VWCE: variants seen among roughly 807,000 people sequenced by gnomAD.
The protein encoded by VWCE is von Willebrand factor C and EGF domain-containing protein.
Under a neutral mutation model 102.9 loss-of-function variants are expected in VWCE, and 68 were observed. The ratio of observed to expected loss-of-function variants is 0.66; its 90% CI spans 0.54 to 0.81. VWCE has a LOEUF of 0.81. VWCE is among the 30% of genes least tolerant of loss of function. VWCE has a pLI of 0.00. For synonymous variants in VWCE, 497 were observed against 515.4 expected, an observed-to-expected ratio of 0.96 and a Z score of 0.48; for missense variants, 1,137 against 1,263.6, an observed-to-expected ratio of 0.90 and a Z score of 1.52.
chr11:61,276,782 G>T, intron 10 of VWCE, 102 bp from the exon 11 acceptor site: 1 of 817,282 alleles, frequency 1.2e-6, no homozygotes, highest in Non-Finnish European at 1.7e-6. Flanking sequence ...GCCTAAAGGA[G>T]GCCACAAGAA....
rs372225196 is a variant in VWCE, at chr11:61,286,001, G to A, written c.541+313C>T. 1.2e-3 allele frequency among the ~76,000 whole-genome samples: 190 copies of A among 152,216 alleles called. 1 individual carries two copies. Among genetic ancestry groups the A allele is most frequent in the African/African-American group, 4.3e-3 (180 of 41,550 alleles). On this transcript the variant is annotated intron_variant, in intron 5 of 19. Transcript: ENST00000335613. The stretch of plus-strand genomic sequence containing the variant: ...ACTCCTGACCTGAGGTGATCCTCCC[G>A]CCTTGACCTCCCAAAGTGCAAGGAT...
intron 19 of VWCE, among the ~76,000 whole-genome samples, chr11:61,260,407 G>A (rs1854318587): frequency 6.6e-6 from 1 of 152,114 alleles, no homozygotes; most frequent in African/African-American, 2.4e-5. Flanking sequence ...CCTACTTGCT[G>A]GGGCCACAGT....
intron 11 of VWCE, among the ~76,000 whole-genome samples, chr11:61,276,075 C>T (rs150366294): frequency 1.3e-5 from 2 of 152,314 alleles, no homozygotes; most frequent in African/African-American, 4.8e-5. Context: ...CCCACTCCAT[C>T]GCATACTCAA....
chr11:61,265,244 G>A (rs1285929889), intron 16 of VWCE, 32 bp from the exon 17 acceptor site: 8 of 1,452,386 alleles, frequency 5.5e-6, no homozygotes, highest in Admixed American at 5.6e-5. Context: ...CAAGGCCCTC[G>A]GTTCAGGGCA....
intron 10 of VWCE, among the ~76,000 whole-genome samples, chr11:61,276,985 G>A (rs1854943777): frequency 8.9e-6 from 1 of 112,874 alleles, no homozygotes; most frequent in Non-Finnish European, 1.8e-5. Flanking sequence ...GAGGAGAGGG[G>A]CAGGATAGGA....
At chr11:61,260,294 G>GA (rs1854314704) in intron 19 of VWCE, among the ~76,000 whole-genome samples, 1 of 151,974 alleles carries the variant, frequency 6.6e-6, no homozygotes, top group Admixed American at 6.6e-5. Context: ...GGGTGGGGGG[G>GA]ACAGGTTCTC....
intron 5 of VWCE, among the ~76,000 whole-genome samples, chr11:61,284,189 C>T (rs1855235805): frequency 6.6e-6 from 1 of 151,688 alleles, no homozygotes. Context: ...CACAGCAAGA[C>T]CTCATCTCTA....
chr11:61,293,238 T>A, intron 1 of VWCE, among the ~76,000 whole-genome samples: 2 of 67,588 alleles, frequency 3.0e-5, no homozygotes, highest in Non-Finnish European at 2.2e-5. Flanking sequence ...CAAAACTCCA[T>A]CTCAAAAAAA....
At chr11:61,281,382 GT>G (rs1855128707) in intron 7 of VWCE, 147 bp from the exon 8 acceptor site, 2 of 1,000,578 alleles carry the variant, frequency 2.0e-6, no homozygotes, top group African/African-American at 3.3e-5. Context: ...TGGGGACACT[GT>G]CGCCGTTTGG....
At chr11:61,282,714 G>C in intron 6 of VWCE, 75 bp downstream of exon 6, 1 of 1,219,640 alleles carries the variant, frequency 8.2e-7, no homozygotes. Context: ...TAACCTTCCC[G>C]GGTCCCTGGG....
At chr11:61,291,434 C>T (rs557419745) in intron 2 of VWCE, 48 bp downstream of exon 2, 5 of 1,566,390 alleles carry the variant, frequency 3.2e-6, no homozygotes, top group South Asian at 2.3e-5. Context: ...GGGCTGGCAA[C>T]ACACACTGCT....
chr11:61,265,433 C>T (rs548495610), intron 16 of VWCE, among the ~76,000 whole-genome samples: 6 of 152,204 alleles, frequency 3.9e-5, no homozygotes, highest in South Asian at 2.1e-4. Context: ...GACTTGTCCA[C>T]GGAGGGCATC....
At position 61,278,477 on chromosome 11, in the gene VWCE, C is replaced by T. The variant is rs1855003437; in HGVS notation, c.1325-1G>A. The T allele has an allele frequency of 6.2e-7, 1 of 1,613,966 alleles. No homozygotes were observed. The highest frequency in any genetic ancestry group is 8.5e-7 in the Non-Finnish European group (1 of 1,179,988). ...CGGACGACACCACTGTGAAAACAGC[C>T]TTTGAAGGACAAATAGGAGGTAGAG... On this transcript the variant is annotated splice_acceptor_variant, in intron 9 of 19. Transcript: ENST00000335613. LOFTEE classifies it high-confidence loss of function.
chr11:61,293,071 G>A (rs1444629611), intron 1 of VWCE, among the ~76,000 whole-genome samples: 2 of 151,808 alleles, frequency 1.3e-5, no homozygotes, highest in Admixed American at 6.6e-5. Context: ...GAGAAACCCC[G>A]ACTCTACTAA....
intron 16 of VWCE, among the ~76,000 whole-genome samples, chr11:61,266,409 GT>G (rs1285792856): frequency 1.3e-5 from 2 of 151,960 alleles, no homozygotes; most frequent in Non-Finnish European, 2.9e-5. Flanking sequence ...AGGTGTGGTG[GT>G]AATCCCAGCT....
At chr11:61,271,816 G>T in intron 13 of VWCE, 56 bp from the exon 14 acceptor site, 1 of 1,521,592 alleles carries the variant, frequency 6.6e-7, no homozygotes, top group Non-Finnish European at 9.0e-7. Context: ...TACAACAGCA[G>T]CAAGGACAGA....
chr11:61,269,235 G>A (rs1854601478), intron 14 of VWCE: 2 of 552,750 alleles, frequency 3.6e-6, no homozygotes, highest in Non-Finnish European at 6.5e-6. Context: ...TTAAGGAGAA[G>A]GAAGGTCAGG....
chr11:61,271,785 AAGACGGCACAAGACCT>A (rs1854713726), intron 13 of VWCE, 25 bp from the exon 14 acceptor site: 1 of 1,603,642 alleles, frequency 6.2e-7, no homozygotes, highest in Non-Finnish European at 8.5e-7. Flanking sequence ...TGGCAGAGAA[AAGACGGCACAAGACCT>A]AGACTACAAC....
At chr11:61,264,365 C>T (rs1426348462) in intron 19 of VWCE, 122 bp downstream of exon 19, 5 of 987,142 alleles carry the variant, frequency 5.1e-6, no homozygotes, top group South Asian at 1.5e-5. Context: ...TTGCGCGAGC[C>T]GTGTTCCCTC....
Sources: gnomAD v4.1 joint callset for allele counts (sites outside exome capture counted in the v4.1 genomes callset) on GRCh38, gnomAD v4.1.1 for gene constraint, MANE v1.5 for transcripts, NCBI Gene and HGNC (gene_info 2026-07-23, HGNC 2026-07-21) for gene names.